Variants in MYO16 observed in about 807,000 individuals in gnomAD.
The protein encoded by MYO16 is unconventional myosin-XVI.
Under a neutral mutation model 205.3 loss-of-function variants are expected in MYO16, and 94 were observed. The observed-to-expected ratio is 0.46, with a 90% CI of 0.39 to 0.54. The LOEUF (loss-of-function observed/expected upper bound fraction) is 0.54. Among genes scored for constraint, MYO16 ranks in the 20% least tolerant of loss-of-function variants. The pLI, the probability that MYO16 is intolerant of heterozygous loss-of-function variation, is 0.00. For missense variants in MYO16, 2,315 were observed against 2,387.5 expected (o/e 0.97, Z 0.63); for synonymous variants, 988 against 954.0 (o/e 1.04, Z -0.66).
upstream of MYO16, among the ~76,000 whole-genome samples, chr13:108,595,081 G>A (rs927271669): frequency 6.6e-6 from 1 of 151,992 alleles, no homozygotes; most frequent in Non-Finnish European, 1.5e-5. Flanking sequence ...ATACTGCATG[G>A]GTATTTTGAC....
intron 16 of MYO16, among the ~76,000 whole-genome samples, chr13:108,923,571 C>T (rs1048369189): frequency 2.6e-5 from 4 of 152,228 alleles, no homozygotes; most frequent in African/African-American, 7.2e-5. Context: ...ATGGCCAACC[C>T]GCTGGCCAGC....
At chr13:108,739,106 C>T (rs1884810701) in intron 4 of MYO16, among the ~76,000 whole-genome samples, 1 of 152,126 alleles carries the variant, frequency 6.6e-6, no homozygotes, top group African/African-American at 2.4e-5. Context: ...CAGTCTGTGT[C>T]TTTTAATTGG....
chr13:109,017,780 C>A (rs893593822), intron 22 of MYO16, among the ~76,000 whole-genome samples: 3 of 152,130 alleles, frequency 2.0e-5, no homozygotes, highest in African/African-American at 7.2e-5. Context: ...GTGCATGCGT[C>A]ACGTAGTTTT....
intron 17 of MYO16, among the ~76,000 whole-genome samples, chr13:108,959,845 A>G (rs1179065860): frequency 2.0e-5 from 3 of 152,134 alleles, no homozygotes; most frequent in Non-Finnish European, 4.4e-5. Context: ...ACTGTAATGC[A>G]CATTATAGCT....
chr13:108,588,949 A>G, the MYO16 span, among the ~76,000 whole-genome samples: 1 of 151,642 alleles, frequency 6.6e-6, no homozygotes, highest in African/African-American at 2.4e-5. Context: ...ATAATAATTG[A>G]GTATTTGTGG....
intron 34 of MYO16, among the ~76,000 whole-genome samples, chr13:109,201,026 A>G (rs911003262): frequency 3.9e-5 from 6 of 152,102 alleles, no homozygotes; most frequent in African/African-American, 1.4e-4. Flanking sequence ...ACTGCTGGGT[A>G]GAGATTTGGA....
At chr13:108,961,100 T>C (rs1378915603) in intron 17 of MYO16, among the ~76,000 whole-genome samples, 5 of 152,238 alleles carry the variant, frequency 3.3e-5, no homozygotes, top group African/African-American at 1.2e-4. Context: ...AACACCATGA[T>C]GTAGGTTCTT....
At chr13:108,625,382 A>T (rs1219376471), upstream of MYO16, among the ~76,000 whole-genome samples, 1 of 152,154 alleles carries the variant, frequency 6.6e-6, no homozygotes. Flanking sequence ...GTCCTGAGGC[A>T]CCAGGGGTTG....
chr13:109,074,809 G>C (rs1374839654), intron 27 of MYO16, among the ~76,000 whole-genome samples: 1 of 152,142 alleles, frequency 6.6e-6, no homozygotes, highest in Non-Finnish European at 1.5e-5. Context: ...AGAACAGCAC[G>C]GGGGAACCAC....
At chr13:108,523,596 C>T in the MYO16 span, among the ~76,000 whole-genome samples, 1 of 152,298 alleles carries the variant, frequency 6.6e-6, no homozygotes. Context: ...GCAGTCAAAT[C>T]TTTTCAAAAC....
intron 22 of MYO16, among the ~76,000 whole-genome samples, chr13:109,015,078 G>T (rs1470314827): frequency 6.6e-6 from 1 of 152,194 alleles, no homozygotes; most frequent in East Asian, 1.9e-4. Context: ...TGCCCATTCA[G>T]TATGATACTG....
At chr13:108,793,298 A>C (rs7327027) in intron 5 of MYO16, among the ~76,000 whole-genome samples, 72,462 of 147,564 alleles carry the variant, frequency 0.49, 18,088 homozygotes, top group South Asian at 0.52. Flanking sequence ...AAAAAAAAAA[A>C]AAAAAAACAT....
At chr13:108,822,847 G>C (rs1876053842) in intron 8 of MYO16, among the ~76,000 whole-genome samples, 1 of 152,048 alleles carries the variant, frequency 6.6e-6, no homozygotes, top group South Asian at 2.1e-4. Flanking sequence ...CTCAAGCTTA[G>C]ATTCTCAATG....
At chr13:108,892,673 TA>T (rs548174784) in intron 14 of MYO16, among the ~76,000 whole-genome samples, 192 of 152,322 alleles carry the variant, frequency 1.3e-3, no homozygotes, top group Admixed American at 3.5e-3. Flanking sequence ...GGTTATAAAA[TA>T]GCCTCAAGTT....
chr13:108,710,577 T>G (rs1883681823), intron 2 of MYO16, among the ~76,000 whole-genome samples: 1 of 152,234 alleles, frequency 6.6e-6, no homozygotes, highest in South Asian at 2.1e-4. Context: ...ATATGTTGTC[T>G]CATTTAATTC....
At chr13:108,619,673 C>T (rs1292895247) in intron 1 of MYO16, among the ~76,000 whole-genome samples, 8 of 152,096 alleles carry the variant, frequency 5.3e-5, no homozygotes, top group African/African-American at 1.2e-4. Context: ...AGGGACTGAT[C>T]GGGAGGCAGT....
intron 27 of MYO16, among the ~76,000 whole-genome samples, chr13:109,078,371 A>G (rs566913805): frequency 6.6e-6 from 1 of 152,016 alleles, no homozygotes; most frequent in Non-Finnish European, 1.5e-5. Flanking sequence ...CCCAGGAGGT[A>G]GAGGTTGCAG....
chr13:109,089,588 A>G (rs1888555837), intron 27 of MYO16, among the ~76,000 whole-genome samples: 1 of 152,174 alleles, frequency 6.6e-6, no homozygotes, highest in Non-Finnish European at 1.5e-5. Flanking sequence ...TTCAAACACT[A>G]AAACAATAGG....
intron 16 of MYO16, among the ~76,000 whole-genome samples, chr13:108,956,841 C>G (rs892218702): frequency 6.6e-6 from 1 of 152,024 alleles, no homozygotes; most frequent in Non-Finnish European, 1.5e-5. Flanking sequence ...TTATCTGTGC[C>G]CCTGGATAGT....
Sources: gnomAD v4.1 joint callset for allele counts (sites outside exome capture counted in the v4.1 genomes callset) on GRCh38, gnomAD v4.1.1 for gene constraint, MANE v1.5 for transcripts, NCBI Gene and HGNC (gene_info 2026-07-23, HGNC 2026-07-21) for gene names.